Variants in TAFA2 observed in about 807,000 individuals in gnomAD.
TAFA2 encodes the protein TAFA chemokine like family member 2, also known as chemokine-like protein TAFA-2.
A neutral mutation model predicts 18.8 loss-of-function variants in TAFA2; 7 were observed. That is an observed-to-expected ratio of 0.37 (90% CI 0.21 to 0.70). The LOEUF (loss-of-function observed/expected upper bound fraction) is 0.70. Among genes scored for constraint, TAFA2 ranks in the 30% least tolerant of loss-of-function variants. The pLI is 0.53. For missense variants in TAFA2, 122 were observed against 158.1 expected (o/e 0.77, Z 1.23); for synonymous variants, 60 against 54.2 (o/e 1.11, Z -0.47).
At chr12:62,253,010 C>T (rs190751826) in intron 1 of TAFA2, 1 of 152,298 alleles carries the variant, frequency 6.6e-6, no homozygotes, top group Non-Finnish European at 1.5e-5. Context: ...TCATTTGATT[C>T]TCCTCCATGG....
At chr12:62,033,541 C>T (rs79619604) in intron 1 of TAFA2, among the ~76,000 whole-genome samples, 3,056 of 152,256 alleles carry the variant, frequency 0.02, 65 homozygotes, top group African/African-American at 0.047. Flanking sequence ...ACAACACTGA[C>T]ATTATCACCT....
chr12:62,225,488 T>C (rs544144514), intron 1 of TAFA2, among the ~76,000 whole-genome samples: 2 of 152,142 alleles, frequency 1.3e-5, no homozygotes, highest in Admixed American at 6.5e-5. Flanking sequence ...TGAAAAGCCA[T>C]AAAAGAAAGC....
intron 1 of TAFA2, among the ~76,000 whole-genome samples, chr12:62,148,225 C>T (rs998037668): frequency 6.6e-6 from 1 of 152,126 alleles, no homozygotes; most frequent in Non-Finnish European, 1.5e-5. Flanking sequence ...AGTCATTCTA[C>T]CAAAAATACA....
intron 1 of TAFA2, among the ~76,000 whole-genome samples, chr12:62,155,731 G>A (rs1044330475): frequency 6.6e-6 from 1 of 152,100 alleles, no homozygotes; most frequent in African/African-American, 2.4e-5. Context: ...TGGGATAACT[G>A]GCTAGCCACA....
intron 1 of TAFA2, among the ~76,000 whole-genome samples, chr12:62,131,869 C>T (rs1228155926): frequency 1.3e-5 from 2 of 151,906 alleles, no homozygotes; most frequent in Non-Finnish European, 2.9e-5. Context: ...CCATTTCTAT[C>T]CTTTCATTGT....
chr12:62,007,764 T>TA (rs1307420906), intron 1 of TAFA2, among the ~76,000 whole-genome samples: 1 of 152,244 alleles, frequency 6.6e-6, no homozygotes, highest in Non-Finnish European at 1.5e-5. Flanking sequence ...CATACATGTA[T>TA]ACACTGTATA....
intron 1 of TAFA2, chr12:61,880,183 G>T: frequency 1.9e-6 from 1 of 534,204 alleles, no homozygotes; most frequent in Non-Finnish European, 3.5e-6. Flanking sequence ...TCAAGTATGA[G>T]GACCTGCAGA....
intron 1 of TAFA2, among the ~76,000 whole-genome samples, chr12:62,233,356 C>T (rs1253252402): frequency 1.3e-5 from 2 of 152,078 alleles, no homozygotes; most frequent in Non-Finnish European, 2.9e-5. Flanking sequence ...GCTAGGATTA[C>T]AGGTGTGAGC....
intron 1 of TAFA2, among the ~76,000 whole-genome samples, chr12:62,249,393 C>CT (rs1214949878): frequency 6.6e-6 from 1 of 152,012 alleles, no homozygotes; most frequent in Non-Finnish European, 1.5e-5. Flanking sequence ...AATTAACTCT[C>CT]TACTTAATCT....
At chr12:61,838,936 A>G (rs1478394128) in intron 2 of TAFA2, among the ~76,000 whole-genome samples, 2 of 152,218 alleles carry the variant, frequency 1.3e-5, no homozygotes, top group East Asian at 1.9e-4. Flanking sequence ...CCCTCCAACA[A>G]AAAGTTATCT....
intron 1 of TAFA2, among the ~76,000 whole-genome samples, chr12:62,199,265 C>T (rs2062661406): frequency 6.6e-6 from 1 of 152,168 alleles, no homozygotes; most frequent in Admixed American, 6.5e-5. Context: ...CATAGGTAAA[C>T]ATGTACCATT....
At chr12:62,119,216 T>G (rs1296615039) in intron 1 of TAFA2, among the ~76,000 whole-genome samples, 1 of 152,104 alleles carries the variant, frequency 6.6e-6, no homozygotes, top group Non-Finnish European at 1.5e-5. Flanking sequence ...ATTACATTAT[T>G]CTTAAAAAAA....
intron 2 of TAFA2, among the ~76,000 whole-genome samples, chr12:61,796,835 T>C (rs1871207740): frequency 1.3e-5 from 2 of 152,178 alleles, no homozygotes; most frequent in African/African-American, 4.8e-5. Context: ...CTTGTGTTCC[T>C]AGATTATAAG....
At chr12:61,845,369 AG>A (rs1199164692) in intron 2 of TAFA2, among the ~76,000 whole-genome samples, 5 of 152,172 alleles carry the variant, frequency 3.3e-5, no homozygotes, top group African/African-American at 4.8e-5. Context: ...AAAAAGGAAA[AG>A]TATACAGAGA....
intron 1 of TAFA2, chr12:62,234,851 C>T (rs2062828779): frequency 9.6e-7 from 1 of 1,044,096 alleles, no homozygotes; most frequent in Non-Finnish European, 1.5e-6. Flanking sequence ...GATCCTAAAA[C>T]CAGCAATGAC....
intron 2 of TAFA2, among the ~76,000 whole-genome samples, chr12:61,866,760 C>G (rs1175519318): frequency 6.6e-6 from 1 of 151,916 alleles, no homozygotes; most frequent in Non-Finnish European, 1.5e-5. Context: ...GAATCATGAC[C>G]CACAAAAAAC....
chr12:62,106,895 T>TA (rs1357201635), intron 1 of TAFA2, among the ~76,000 whole-genome samples: 1 of 150,680 alleles, frequency 6.6e-6, no homozygotes, highest in Non-Finnish European at 1.5e-5. Context: ...ACCTTTTTTT[T>TA]ATTATTATTT....
intron 1 of TAFA2, among the ~76,000 whole-genome samples, chr12:61,954,111 C>G (rs1878566491): frequency 6.6e-6 from 1 of 152,108 alleles, no homozygotes. Flanking sequence ...TTTCTCATCC[C>G]TCACCTTCCT....
At chr12:62,207,487 C>T (rs901797960) in intron 1 of TAFA2, among the ~76,000 whole-genome samples, 4 of 152,142 alleles carry the variant, frequency 2.6e-5, no homozygotes, top group Non-Finnish European at 4.4e-5. Context: ...CACACACACA[C>T]ACATACACGA....
Sources: allele counts gnomAD v4.1 joint callset (sites outside exome capture counted in the v4.1 genomes callset), GRCh38; gene constraint gnomAD v4.1.1; transcripts MANE v1.5; gene names NCBI Gene and HGNC (gene_info 2026-07-23, HGNC 2026-07-21).